The following NXF2 variants were observed in gnomAD, a reference collection of about 807,000 sequenced individuals.
NXF2 encodes TAP-like protein 2.
At chrX:102,251,625 G>A (rs1247475511) in intron 2 of NXF2, among the ~76,000 whole-genome samples, 2 of 44,313 alleles carry the variant, frequency 4.5e-5, no homozygotes, top group South Asian at 1.1e-3. Context: ...CTAACTATGA[G>A]CAAGTTTTGA....
At chrX:102,289,518 T>TAA (rs1933956706) in intron 2 of NXF2, among the ~76,000 whole-genome samples, 1 of 49,890 alleles carries the variant, frequency 2.0e-5, no homozygotes, top group Non-Finnish European at 3.8e-5. Flanking sequence ...CTGAATGGCA[T>TAA]TGCCTAGGTT....
At chrX:102,248,916 C>T (rs1361418422) in intron 2 of NXF2, among the ~76,000 whole-genome samples, 1 of 9,728 alleles carries the variant, frequency 1.0e-4, no homozygotes, top group South Asian at 9.6e-3. Context: ...CAGGGTAGGA[C>T]GATTGGCTTG....
chrX:102,251,753 C>T (rs1454169455), intron 2 of NXF2, among the ~76,000 whole-genome samples: 2 of 76,720 alleles, frequency 2.6e-5, no homozygotes, highest in Admixed American at 1.5e-4. Flanking sequence ...TTTAAGAGCT[C>T]TCTATATATT....
chrX:102,251,591 G>A (rs1249746974), intron 2 of NXF2, among the ~76,000 whole-genome samples: 2 of 33,695 alleles, frequency 5.9e-5, no homozygotes, highest in Non-Finnish European at 1.0e-4. Context: ...ATGGTGTCTC[G>A]CTGTTTCTGT....
chrX:102,274,482 TTC>T (rs1421676735), intron 2 of NXF2, among the ~76,000 whole-genome samples: 115 of 2,590 alleles, frequency 0.044, 29 homozygotes, highest in Middle Eastern at 0.1. Flanking sequence ...CTACTTCTTC[TTC>T]TTCTTCTTCT....
At chrX:102,252,024 G>A (rs1459495372) in intron 2 of NXF2, among the ~76,000 whole-genome samples, 8 of 113,027 alleles carry the variant, frequency 7.1e-5, no homozygotes, top group African/African-American at 2.3e-4. Context: ...ATGGAGTCTC[G>A]CTTTGTCGTC....
intron 2 of NXF2, among the ~76,000 whole-genome samples, chrX:102,281,638 G>A (rs1395047562): frequency 1.6e-4 from 17 of 105,859 alleles, no homozygotes; most frequent in African/African-American, 3.5e-4. Flanking sequence ...GGTCTCCTTC[G>A]GAGCCACAAG....
intron 2 of NXF2, among the ~76,000 whole-genome samples, chrX:102,299,045 A>G (rs1413958060): frequency 2.0e-4 from 12 of 61,252 alleles, no homozygotes; most frequent in Admixed American, 6.0e-4. Context: ...CATCTCACCT[A>G]CTTATCACAT....
intron 2 of NXF2, among the ~76,000 whole-genome samples, chrX:102,282,492 A>G (rs1395070928): frequency 2.0e-5 from 2 of 99,154 alleles, no homozygotes; most frequent in Non-Finnish European, 4.1e-5. Context: ...TTGGCCTTTG[A>G]GTAGGATGTT....
chrX:102,286,165 AG>A, intron 2 of NXF2, among the ~76,000 whole-genome samples: 1 of 114,202 alleles, frequency 8.8e-6, no homozygotes, highest in Admixed American at 9.1e-5. Flanking sequence ...GGGCTGCGGG[AG>A]GGTGCACTTG....
At chrX:102,281,642 C>T (rs1165622272) in intron 2 of NXF2, among the ~76,000 whole-genome samples, 3 of 105,913 alleles carry the variant, frequency 2.8e-5, no homozygotes. Context: ...TCCTTCGGAG[C>T]CACAAGGTGT....
chrX:102,252,021 C>G (rs1243034746), intron 2 of NXF2, among the ~76,000 whole-genome samples: 1 of 112,352 alleles, frequency 8.9e-6, no homozygotes, highest in Non-Finnish European at 1.9e-5. Context: ...GACATGGAGT[C>G]TCGCTTTGTC....
At chrX:102,251,885 GGATT>G (rs782501897) in intron 2 of NXF2, among the ~76,000 whole-genome samples, 2,611 of 106,239 alleles carry the variant, frequency 0.025, no homozygotes, top group Non-Finnish European at 0.038. Flanking sequence ...GTGGTCAAAT[GGATT>G]GATTATTTTT....
intron 2 of NXF2, among the ~76,000 whole-genome samples, chrX:102,294,303 C>T (rs1317808788): frequency 3.1e-5 from 3 of 97,115 alleles, no homozygotes; most frequent in Non-Finnish European, 6.0e-5. Context: ...CAGTGAAAAA[C>T]AATTATTATG....
chrX:102,274,549 TC>T (rs1249273566), intron 2 of NXF2, among the ~76,000 whole-genome samples: 1 of 2,548 alleles, frequency 3.9e-4, no homozygotes, highest in Non-Finnish European at 8.7e-4. Flanking sequence ...TTCCTCTTCT[TC>T]CTTCTTCTTC....
intron 2 of NXF2, among the ~76,000 whole-genome samples, chrX:102,252,165 G>A (rs1361519578): frequency 1.3e-5 from 1 of 74,324 alleles, no homozygotes; most frequent in Non-Finnish European, 2.5e-5. Flanking sequence ...GCTCATTTTC[G>A]TATTTTTAGT....
At position 102,254,462 on chromosome X, in the gene NXF2, A is replaced by G. The variant is rs1404081277; in HGVS notation, c.-54+5904A>G. Among the ~76,000 whole-genome samples the G allele has an allele frequency of 4.1e-4, 36 of 87,076 alleles. 5 individuals are homozygous for G. The highest frequency in any genetic ancestry group is 1.2e-3 in the African/African-American group (28 of 23,419). 75.6% of individuals were successfully genotyped at this position (87,076 alleles called of 115,157 possible). A position where few individuals can be genotyped will look rare whatever the true frequency, so the allele number is the denominator to read the frequency against. ...TAGGTACCTCCATACTGTTTTCCAT[A>G]ATGATTGTCCCTATCTACATTCCCA... On this transcript the variant is annotated intron_variant, in intron 2 of 22. Coordinates refer to ENST00000625106, the MANE Select transcript of NXF2 (RefSeq NM_022053.4).
chrX:102,294,186 A>T (rs191700203), intron 2 of NXF2, among the ~76,000 whole-genome samples: 6,972 of 106,801 alleles, frequency 0.065, 315 homozygotes, highest in Non-Finnish European at 0.1. Context: ...AACTTAAAGG[A>T]TTAAAAAAAA....
At chrX:102,251,495 A>C (rs1245694639) in intron 2 of NXF2, among the ~76,000 whole-genome samples, 1 of 12,910 alleles carries the variant, frequency 7.7e-5, no homozygotes, top group Non-Finnish European at 1.2e-4. Context: ...CATTAGCAAT[A>C]TATGAGAATG....
Sources: allele counts gnomAD v4.1 joint callset (sites outside exome capture counted in the v4.1 genomes callset), GRCh38; gene constraint gnomAD v4.1.1; transcripts MANE v1.5; gene names NCBI Gene and HGNC (gene_info 2026-07-23, HGNC 2026-07-21).